The following ENO4 variants were observed in gnomAD, a reference collection of about 807,000 sequenced individuals.
The protein encoded by ENO4 is enolase 4.
Under a neutral mutation model 63.2 loss-of-function variants are expected in ENO4, and 53 were observed. The observed-to-expected ratio is 0.84, with a 90% confidence interval of 0.67 to 1.05. ENO4 has a LOEUF of 1.05. Among genes scored for constraint, ENO4 ranks in the 50% least tolerant of loss-of-function variants. The pLI, the probability that ENO4 is intolerant of heterozygous loss-of-function variation, is 0.00. For synonymous variants in ENO4, 266 were observed against 283.8 expected, an observed-to-expected ratio of 0.94 and a Z score of 0.63; for missense variants, 719 against 772.0, an observed-to-expected ratio of 0.93 and a Z score of 0.81.
intron 10 of ENO4, chr10:116,900,195 G>A (rs917939267): frequency 1.3e-5 from 3 of 222,380 alleles, no homozygotes; most frequent in East Asian, 9.0e-5. Flanking sequence ...GTCAAGAACC[G>A]AATAATCGAG....
chr10:116,900,665 T>C, intron 10 of ENO4: 1 of 1,487,396 alleles, frequency 6.7e-7, no homozygotes, highest in Non-Finnish European at 8.9e-7. Context: ...AGATTGTTGA[T>C]GTCAAATTAG....
At chr10:116,859,650 C>A (rs1234586866) in intron 4 of ENO4, among the ~76,000 whole-genome samples, 1 of 152,188 alleles carries the variant, frequency 6.6e-6, no homozygotes, top group Admixed American at 6.5e-5. Flanking sequence ...TCAGCCCCTG[C>A]AGTACTGTTC....
intron 10 of ENO4, among the ~76,000 whole-genome samples, chr10:116,904,538 A>G (rs922858397): frequency 6.6e-6 from 1 of 152,000 alleles, no homozygotes; most frequent in Admixed American, 6.6e-5. Flanking sequence ...CTACCTCACC[A>G]ATGAGTTCTC....
intron 13 of ENO4, among the ~76,000 whole-genome samples, chr10:116,881,126 G>A (rs1468353099): frequency 6.6e-6 from 1 of 152,206 alleles, no homozygotes; most frequent in Non-Finnish European, 1.5e-5. Flanking sequence ...TTACATGTAA[G>A]GACCTGACTG....
In ENO4 at chr10:116,879,990, T is replaced by C; in HGVS notation, c.1723+4T>C. On this transcript the variant is annotated splice_donor_region_variant and intron_variant, in intron 13 of 13. Coordinates refer to ENST00000341276, the MANE Select transcript of ENO4 (RefSeq NM_001242699.2). ...CTTGTCCAGAATGGAACACTGGGTA[T>C]GCGCTGCTTTCTTGCTTTGTTTCCA... 1.3e-6 allele frequency: 2 copies of C among 1,533,340 alleles called. No individual in the cohort carries two copies. The highest frequency in any genetic ancestry group is 8.8e-7 in the Non-Finnish European group (1 of 1,132,466). 95.0% of individuals were successfully genotyped at this position (1,533,340 alleles called of 1,614,324 possible). A position where few individuals can be genotyped will look rare whatever the true frequency, so the allele number is the denominator to read the frequency against.
intron 10 of ENO4, among the ~76,000 whole-genome samples, chr10:116,897,095 C>T (rs982797001): frequency 6.6e-6 from 1 of 152,076 alleles, no homozygotes; most frequent in African/African-American, 2.4e-5. Context: ...GGATTATAGG[C>T]GTAAGCCACC....
At chr10:116,860,503 C>G (rs543810874) in intron 4 of ENO4, among the ~76,000 whole-genome samples, 1 of 152,198 alleles carries the variant, frequency 6.6e-6, no homozygotes, top group Admixed American at 6.5e-5. Context: ...GTCTTTTAAC[C>G]CCTCTAAGCC....
intron 13 of ENO4, among the ~76,000 whole-genome samples, chr10:116,880,238 A>G (rs192354475): frequency 1.2e-3 from 185 of 152,310 alleles, no homozygotes; most frequent in African/African-American, 4.1e-3. Context: ...CAATAGAATT[A>G]ATTGATTGGA....
At chr10:116,865,401 G>C (rs1201079961) in intron 7 of ENO4, among the ~76,000 whole-genome samples, 1 of 152,042 alleles carries the variant, frequency 6.6e-6, no homozygotes, top group Non-Finnish European at 1.5e-5. Context: ...TGGGCAGGCT[G>C]GTCTCGAACT....
chr10:116,899,465 G>A (rs1300758480), intron 10 of ENO4, among the ~76,000 whole-genome samples: 3 of 151,666 alleles, frequency 2.0e-5, no homozygotes, highest in East Asian at 3.9e-4. Flanking sequence ...GGACAAAAAG[G>A]CCAAAGTGGA....
At chr10:116,878,057 T>C (rs893249756) in intron 11 of ENO4, among the ~76,000 whole-genome samples, 20 of 152,320 alleles carry the variant, frequency 1.3e-4, no homozygotes, top group African/African-American at 4.3e-4. Context: ...CCTAACTGGT[T>C]CAGTTCTGAA....
rs1266090572 is a variant in ENO4, at chr10:116,856,630, G to A, written c.433G>A (p.Glu145Lys). 7 of 1,535,842 alleles carry A rather than the reference G, an allele frequency of 4.6e-6. No homozygotes were observed. The highest frequency in any genetic ancestry group is 2.4e-5 in the East Asian group (1 of 40,914). ...VQWVNSTITH[E>K]LQGMAPSDQA... ...GTGGGTCAACAGCACCATCACGCAC[G>A]AGCTCCAGGGGATGGCACCCTCTGA... Residue 145 changes from glutamate (E) to lysine (K), a missense_variant, in exon 3 of 14, where the codon GAG becomes AAG. This residue lies in a region of ENO4 where 544 missense variants were observed against 583.6 expected (regional missense o/e 0.93). Transcript: ENST00000341276.
chr10:116,910,720 A>T (rs116947821), intron 10 of ENO4, among the ~76,000 whole-genome samples: 4 of 152,332 alleles, frequency 2.6e-5, no homozygotes, highest in Middle Eastern at 3.4e-3. Context: ...TGTCATAGGG[A>T]GTTCTCCTTA....
At chr10:116,888,229 A>G (rs1847223677) in intron 10 of ENO4, among the ~76,000 whole-genome samples, 1 of 152,232 alleles carries the variant, frequency 6.6e-6, no homozygotes, top group Non-Finnish European at 1.5e-5. Flanking sequence ...TACCTTGGCC[A>G]AGGAACTACT....
chr10:116,901,705 C>T (rs1847744085), intron 10 of ENO4: 1 of 1,427,998 alleles, frequency 7.0e-7, no homozygotes, highest in Non-Finnish European at 9.2e-7. Context: ...CAAAGAAACA[C>T]ACAAGTTAGT....
rs1325138319 is a variant in ENO4 at position 116,876,212 on chromosome 10, A to C, written c.1489A>C (p.Asn497His). The C allele has an allele frequency of 6.5e-7, 1 of 1,550,078 alleles. No individual in the cohort carries two copies. The highest frequency in any genetic ancestry group is 2.0e-5 in the Admixed American group (1 of 50,886). The stretch of plus-strand genomic sequence containing the variant: ...CAATGGGCTGATCATAAAACACACA[A>C]ACCAAACTACAATGTCTGACTTGGT... ...KSNGLIIKHT[N>H]QTTMSDLVEI... Residue 497 changes from asparagine to histidine, a missense_variant, in exon 11 of 14, where the codon AAC becomes CAC. Transcript: ENST00000341276.
chr10:116,910,358 T>C (rs1004349334), intron 10 of ENO4, among the ~76,000 whole-genome samples: 2 of 152,182 alleles, frequency 1.3e-5, no homozygotes, highest in Non-Finnish European at 2.9e-5. Context: ...GCAAGAAGGA[T>C]GGGGGCAATT....
At chr10:116,910,701 AAAAG>A (rs1006134066) in intron 10 of ENO4, among the ~76,000 whole-genome samples, 45 of 152,340 alleles carry the variant, frequency 3.0e-4, no homozygotes, top group African/African-American at 9.9e-4. Context: ...CAAACACAAC[AAAAG>A]AGACTGTCAT....
intron 10 of ENO4, chr10:116,900,331 A>G (rs1038317202): frequency 1.7e-6 from 1 of 577,320 alleles, no homozygotes; most frequent in Admixed American, 3.0e-5. Flanking sequence ...TGAGAAATAA[A>G]TTGAGCTTCA....
Sources: gnomAD v4.1 joint callset for allele counts (sites outside exome capture counted in the v4.1 genomes callset) on GRCh38, gnomAD v4.1.1 for gene constraint, gnomAD v4.1.1 regional missense constraint, MANE v1.5 for transcripts, NCBI Gene and HGNC (gene_info 2026-07-23, HGNC 2026-07-21) for gene names.